ABLIM3: variants seen among roughly 807,000 people sequenced by gnomAD.
ABLIM3 encodes the protein actin-binding LIM protein 3.
In ABLIM3, 61 loss-of-function variants were observed where a neutral mutation model predicts 109.5. The observed-to-expected ratio is 0.56, with a 90% CI of 0.45 to 0.69. The LOEUF (loss-of-function observed/expected upper bound fraction) is 0.69. Ranked by LOEUF, ABLIM3 falls within the 30% of genes least tolerant of loss-of-function variation. The pLI, the probability that ABLIM3 is intolerant of heterozygous loss-of-function variation, is 0.00. For missense variants in ABLIM3, 796 were observed against 889.5 expected (o/e 0.89, Z 1.34); for synonymous variants, 300 against 324.8 (o/e 0.92, Z 0.82).
chr5:149,231,694 T>C (rs573070557), intron 9 of ABLIM3, among the ~76,000 whole-genome samples: 1 of 152,336 alleles, frequency 6.6e-6, no homozygotes, highest in East Asian at 1.9e-4. Flanking sequence ...TAAGACCTAA[T>C]TGTCCCTTTC....
chr5:149,231,349 C>T (rs2127546335), intron 9 of ABLIM3, among the ~76,000 whole-genome samples: 1 of 152,284 alleles, frequency 6.6e-6, no homozygotes, highest in East Asian at 1.9e-4. Flanking sequence ...AGGGATTGAG[C>T]CTCCCAGGCT....
chr5:149,215,270 C>G (rs537616701), intron 7 of ABLIM3, among the ~76,000 whole-genome samples: 2 of 152,344 alleles, frequency 1.3e-5, no homozygotes, highest in African/African-American at 4.8e-5. Context: ...ACAAGGGAAT[C>G]AGTCCCACAC....
At chr5:149,170,187 AG>A (rs1447424839) in intron 2 of ABLIM3, among the ~76,000 whole-genome samples, 1 of 151,836 alleles carries the variant, frequency 6.6e-6, no homozygotes, top group Non-Finnish European at 1.5e-5. Context: ...AGATCCAGGA[AG>A]ATCCACAGAC....
chr5:149,216,971 C>T lies in ABLIM3; in HGVS notation c.682C>T (p.His228Tyr), dbSNP rs748916842. 6 of 1,614,030 alleles carry T rather than the reference C, an allele frequency of 3.7e-6. No individual in the cohort carries two copies. In the African/African-American group the frequency reaches 8.0e-5, roughly 22 times the overall value. ...TTCATTTCCATAGGCAGGAGGGAAG[C>T]ACTACCACCCAACCTGTGCCAGGTG... is the stretch of plus-strand genomic sequence containing the variant. ...SGRVLEAGGKHYHPTCARCVR... is the reference protein window; with the variant it reads ...SGRVLEAGGKYYHPTCARCVR... Residue 228 changes from histidine (H) to tyrosine (Y), a missense_variant, in exon 8 of 24, where the codon CAC (histidine) becomes TAC (tyrosine). Physicochemically the swap from His to Tyr is moderately conservative, Grantham distance 83. Coordinates refer to ENST00000309868, the MANE Select transcript of ABLIM3 (RefSeq NM_014945.5).
chr5:149,225,980 GTGTATATATA>G (rs1418690357), intron 8 of ABLIM3, among the ~76,000 whole-genome samples: 88 of 21,882 alleles, frequency 4.0e-3, no homozygotes, highest in African/African-American at 0.018. Flanking sequence ...GTGTGTGTGT[GTGTATATATA>G]TATATATATA....
intron 3 of ABLIM3, among the ~76,000 whole-genome samples, chr5:149,197,134 G>A (rs4705331): frequency 0.67 from 101,503 of 152,012 alleles, 34,095 homozygotes; most frequent in African/African-American, 0.72. Context: ...GGAAAAAAAC[G>A]TCCACGGCTC....
At chr5:149,191,957 A>C (rs1226281640) in intron 3 of ABLIM3, among the ~76,000 whole-genome samples, 2 of 152,186 alleles carry the variant, frequency 1.3e-5, no homozygotes, top group African/African-American at 2.4e-5. Context: ...TCCCAGGTTC[A>C]TGACATTCTC....
In ABLIM3 at chr5:149,210,146, G is replaced by A. The variant is rs151197257; in HGVS notation, c.576-580G>A. On this transcript the variant is annotated intron_variant, in intron 6 of 23. Coordinates refer to ENST00000309868, the MANE Select transcript of ABLIM3 (RefSeq NM_014945.5). ...AGCAATCATGGCCATTCCTCCAGCT[G>A]CCATTTGCTGAGTACTCAGTATGGC... 7.2e-3 allele frequency among the ~76,000 whole-genome samples: 1,094 copies of A among 152,260 alleles called. 16 individuals carry two copies. Among genetic ancestry groups the A allele is most frequent in the African/African-American group, 0.026 (1,062 of 41,542 alleles).
intron 3 of ABLIM3, among the ~76,000 whole-genome samples, chr5:149,195,882 C>A (rs1297484338): frequency 6.6e-6 from 1 of 152,196 alleles, no homozygotes. Flanking sequence ...GGGGTGGGGT[C>A]GGGGGCCACA....
intron 8 of ABLIM3, chr5:149,219,641 C>T (rs1561600758): frequency 6.6e-6 from 1 of 152,222 alleles, no homozygotes; most frequent in Non-Finnish European, 1.5e-5. Context: ...GGTCCCTGTC[C>T]CTTCCTGTGC....
intron 8 of ABLIM3, among the ~76,000 whole-genome samples, chr5:149,221,284 T>A (rs1760625920): frequency 6.6e-6 from 1 of 152,112 alleles, no homozygotes. Flanking sequence ...AAGGTCCTCA[T>A]GAACATTAGA....
chr5:149,259,634 G>A lies in ABLIM3; in HGVS notation c.*1230G>A. ...ATGGCCATCCTGGATTTTCCCAGTG[G>A]CTTCCCTTCCTGCTCGCCTCCCTGA... On this transcript the variant is annotated 3_prime_UTR_variant, in exon 24 of 24. Transcript: ENST00000309868. The A allele has an allele frequency of 6.6e-7, 1 of 1,514,838 alleles. No individual in the cohort carries two copies. The highest frequency in any genetic ancestry group is 8.9e-7 in the Non-Finnish European group (1 of 1,127,434). 93.8% of individuals were successfully genotyped at this position (1,514,838 alleles called of 1,614,324 possible). A position where few individuals can be genotyped will look rare whatever the true frequency, so the allele number is the denominator to read the frequency against.
At chr5:149,192,624 C>CAA (rs1248511036) in intron 3 of ABLIM3, among the ~76,000 whole-genome samples, 3 of 50,142 alleles carry the variant, frequency 6.0e-5, no homozygotes, top group Admixed American at 2.1e-4. Flanking sequence ...GACTCCGTCT[C>CAA]AAAAAAAAAA....
intron 2 of ABLIM3, among the ~76,000 whole-genome samples, chr5:149,170,539 A>G (rs1408989348): frequency 6.6e-6 from 1 of 152,196 alleles, no homozygotes; most frequent in Non-Finnish European, 1.5e-5. Flanking sequence ...TCCCTACAGG[A>G]AAGAGGTTCT....
At chr5:149,240,795 A>G in intron 14 of ABLIM3, 21 bp downstream of exon 14, 1 of 1,605,530 alleles carries the variant, frequency 6.2e-7, no homozygotes, top group Non-Finnish European at 8.5e-7. Context: ...CCAGCCCAGA[A>G]TTCCTGGGAT....
intron 5 of ABLIM3, 138 bp from the exon 6 acceptor site, chr5:149,206,870 T>G: frequency 1.8e-6 from 2 of 1,108,450 alleles, no homozygotes; most frequent in African/African-American, 2.6e-5. Flanking sequence ...GGAGAGCCTC[T>G]GGGAAGCTTC....
intron 2 of ABLIM3, chr5:149,176,800 T>C (rs189838449): frequency 2.0e-5 from 3 of 152,226 alleles, no homozygotes; most frequent in Admixed American, 1.3e-4. Flanking sequence ...TTCTGCATCT[T>C]GGAACATGCA....
chr5:149,236,121 G>A (rs1010743572), intron 10 of ABLIM3, among the ~76,000 whole-genome samples: 4 of 152,148 alleles, frequency 2.6e-5, no homozygotes, highest in African/African-American at 9.7e-5. Flanking sequence ...AAGTCAGAGA[G>A]CAAAAGAGCC....
intron 8 of ABLIM3, among the ~76,000 whole-genome samples, chr5:149,222,114 ATAT>A (rs930751966): frequency 1.2e-4 from 18 of 150,754 alleles, no homozygotes; most frequent in African/African-American, 2.9e-4. Context: ...AATAATAAAA[ATAT>A]TAATAATAAT....
Sources: gnomAD v4.1 joint callset for allele counts (sites outside exome capture counted in the v4.1 genomes callset) on GRCh38, gnomAD v4.1.1 for gene constraint, MANE v1.5 for transcripts, NCBI Gene and HGNC (gene_info 2026-07-23, HGNC 2026-07-21) for gene names.